Variants in DNAH7 observed in about 807,000 individuals in gnomAD.
DNAH7 encodes dynein axonemal heavy chain 7.
In DNAH7, 397 loss-of-function variants were observed where a neutral mutation model predicts 444.6. The ratio of observed to expected loss-of-function variants is 0.89; its 90% CI spans 0.82 to 0.97. DNAH7 has a LOEUF of 0.97. DNAH7 is among the 50% of genes least tolerant of loss of function. DNAH7 has a pLI of 0.00. For synonymous variants in DNAH7, 1,636 were observed against 1,624.4 expected (o/e 1.01, Z -0.17); for missense variants, 4,902 against 4,800.8 (o/e 1.02, Z -0.62).
Position 196,026,884 on chromosome 2 carries a change from T to C in DNAH7, c.543A>G (p.Glu181=). ...GIDTDHVAPM[E]DSWLEHVLDL... ...CCAGTACGTGTTCTAGCCAAGAATC[T>C]TCCATTGGGGCTACATGGTCTGTAT... is the stretch of plus-strand genomic sequence containing the variant. Residue 181 remains glutamate, a synonymous_variant, in exon 7 of 65, where the codon GAA becomes GAG. Coordinates refer to ENST00000312428, the MANE Select transcript of DNAH7 (RefSeq NM_018897.3). 1 of 1,612,502 alleles carries C rather than the reference T, an allele frequency of 6.2e-7. No homozygotes were observed. The highest frequency in any genetic ancestry group is 8.5e-7 in the Non-Finnish European group (1 of 1,178,868).
At chr2:195,913,445 T>C (rs571251699) in intron 24 of DNAH7, among the ~76,000 whole-genome samples, 2 of 152,086 alleles carry the variant, frequency 1.3e-5, no homozygotes, top group Middle Eastern at 3.4e-3. Flanking sequence ...TAAAGAAAAC[T>C]CAATCACTTA....
At chr2:195,855,160 T>C (rs1170728066) in intron 45 of DNAH7, among the ~76,000 whole-genome samples, 3 of 152,248 alleles carry the variant, frequency 2.0e-5, no homozygotes, top group Non-Finnish European at 4.4e-5. Context: ...TAGTATAATA[T>C]GTAATGTTCT....
intron 19 of DNAH7, among the ~76,000 whole-genome samples, chr2:195,955,584 ATGTTTT>A (rs901034573): frequency 8.9e-5 from 13 of 146,436 alleles, no homozygotes; most frequent in Non-Finnish European, 3.0e-5. Context: ...AGGGTAAGTA[ATGTTTT>A]TGTTTGTTTC....
At chr2:195,903,875 A>T (rs1686854418) in intron 27 of DNAH7, 2 of 152,016 alleles carry the variant, frequency 1.3e-5, no homozygotes, top group East Asian at 3.9e-4. Context: ...CTTGGTAGAT[A>T]CTCCTGCATT....
intron 54 of DNAH7, among the ~76,000 whole-genome samples, chr2:195,801,971 T>C (rs189260359): frequency 4.6e-5 from 7 of 152,282 alleles, no homozygotes; most frequent in Admixed American, 1.3e-4. Context: ...AAATGCCTGA[T>C]AGCATGGACC....
chr2:196,016,734 G>A (rs1209853508), intron 9 of DNAH7, among the ~76,000 whole-genome samples: 2 of 152,000 alleles, frequency 1.3e-5, no homozygotes, highest in South Asian at 2.1e-4. Context: ...TGAAAAGAGG[G>A]GAGGAAAAAA....
intron 63 of DNAH7, among the ~76,000 whole-genome samples, chr2:195,742,916 G>A (rs1211889101): frequency 6.6e-6 from 1 of 152,206 alleles, no homozygotes; most frequent in Non-Finnish European, 1.5e-5. Context: ...ATTCCTGGGT[G>A]TGTCTAAGAG....
At chr2:195,752,853 C>G (rs889924832) in intron 63 of DNAH7, among the ~76,000 whole-genome samples, 1 of 152,174 alleles carries the variant, frequency 6.6e-6, no homozygotes, top group Admixed American at 6.5e-5. Context: ...AAAAGAACAG[C>G]ATCAGTTGAT....
At chr2:195,817,203 C>T (rs80134284) in intron 50 of DNAH7, among the ~76,000 whole-genome samples, 8,343 of 152,046 alleles carry the variant, frequency 0.055, 585 homozygotes, top group East Asian at 0.31. Context: ...GAGAGAAATA[C>T]GGCAAGCCAA....
chr2:195,889,118 T>G, intron 31 of DNAH7, 137 bp from the exon 32 acceptor site: 1 of 753,136 alleles, frequency 1.3e-6, no homozygotes, highest in Admixed American at 3.0e-5. Context: ...AAGCACTTTT[T>G]GAATAAAGAT....
Position 195,753,773 on chromosome 2 carries a change from A to G in DNAH7, c.11764+564T>C, listed in dbSNP as rs544225362. Among the ~76,000 whole-genome samples the G allele has an allele frequency of 1.4e-3, 214 of 152,368 alleles. 1 individual carries two copies. The highest frequency in any genetic ancestry group is 5.1e-3 in the African/African-American group (211 of 41,590). On this transcript the variant is annotated intron_variant, in intron 63 of 64. Coordinates refer to ENST00000312428, the MANE Select transcript of DNAH7 (RefSeq NM_018897.3). The stretch of plus-strand genomic sequence containing the variant: ...TAAAGTGTAGACAATCATCAAGAAA[A>G]TAAAGATTTCCTCACAATCTTTCAA...
chr2:195,885,401 ATT>A (rs1259622952), intron 34 of DNAH7, among the ~76,000 whole-genome samples: 191 of 152,332 alleles, frequency 1.3e-3, no homozygotes, highest in African/African-American at 4.5e-3. Flanking sequence ...AAGGTCTTTT[ATT>A]AAGTACAAAG....
At chr2:195,832,444 CTT>C (rs56382676) in intron 48 of DNAH7, among the ~76,000 whole-genome samples, 1 of 144,430 alleles carries the variant, frequency 6.9e-6, no homozygotes, top group Admixed American at 7.0e-5. Context: ...TTCTTTCTTT[CTT>C]TTTTTTTTTT....
chr2:196,008,351 T>C (rs1000836912), intron 10 of DNAH7, among the ~76,000 whole-genome samples: 43 of 152,152 alleles, frequency 2.8e-4, no homozygotes, highest in African/African-American at 9.7e-4. Context: ...TGAAATCTTA[T>C]AGTCACTTTG....
chr2:195,758,856 C>T (rs888089922), intron 61 of DNAH7, among the ~76,000 whole-genome samples: 3 of 152,228 alleles, frequency 2.0e-5, no homozygotes, highest in Non-Finnish European at 4.4e-5. Flanking sequence ...ACCCTAACTA[C>T]AGGGGAAGCA....
In DNAH7 at chr2:195,853,491, T is replaced by G. The variant is rs758573975; in HGVS notation, c.8633A>C (p.Gln2878Pro). The change falls in exon 46 of 65, where the codon CAG (glutamine) becomes CCG (proline). Residue 2878 changes from glutamine (Q) to proline (P), a missense_variant. Coordinates refer to ENST00000312428, the MANE Select transcript of DNAH7 (RefSeq NM_018897.3). ...CTCACCTCCAAGGCCTCCAATCAAC[T>G]GTTCAGCTCGTTCTAGTTTTTTGCT... ...LCSKKLERAEQLIGGLGGEKT... is the reference protein window; with the variant it reads ...LCSKKLERAEPLIGGLGGEKT... 1 of 1,612,278 alleles carries G rather than the reference T, an allele frequency of 6.2e-7. No individual in the cohort carries two copies. The highest frequency in any genetic ancestry group is 8.5e-7 in the Non-Finnish European group (1 of 1,179,112).
intron 58 of DNAH7, among the ~76,000 whole-genome samples, chr2:195,783,162 T>C (rs959272873): frequency 2.0e-5 from 3 of 152,210 alleles, no homozygotes; most frequent in Non-Finnish European, 4.4e-5. Flanking sequence ...CCCTTTACCA[T>C]TGAATATATA....
intron 57 of DNAH7, 72 bp from the exon 58 acceptor site, chr2:195,787,243 A>G (rs1432090474): frequency 4.1e-6 from 6 of 1,457,966 alleles, no homozygotes; most frequent in African/African-American, 1.4e-5. Context: ...ATATTTTAAA[A>G]TGAAAGCAAA....
Position 195,857,743 on chromosome 2 carries a change from T to C in DNAH7, c.8068-20A>G, listed in dbSNP as rs768845729. 30 of 1,545,208 alleles carry C rather than the reference T, an allele frequency of 1.9e-5. No individual in the cohort carries two copies. The highest frequency in any genetic ancestry group is 2.5e-5 in the Non-Finnish European group (29 of 1,148,372). Reference sequence around the variant, plus strand: ...AATATCCTTGAAATAACAACGTTAATTATTTTAAAAGACATGTTTGTTTAT... The same window carrying C: ...AATATCCTTGAAATAACAACGTTAACTATTTTAAAAGACATGTTTGTTTAT... On this transcript the variant is annotated intron_variant, in intron 43 of 64. Transcript: ENST00000312428.
Sources: allele counts gnomAD v4.1 joint callset (sites outside exome capture counted in the v4.1 genomes callset), GRCh38; gene constraint gnomAD v4.1.1; transcripts MANE v1.5; gene names NCBI Gene and HGNC (gene_info 2026-07-23, HGNC 2026-07-21).